Variants in ADAMTS16 observed in about 807,000 individuals in gnomAD.
ADAMTS16 encodes A disintegrin and metalloproteinase with thrombospondin motifs 16.
ADAMTS16 carries 94 observed loss-of-function variants against 145.8 expected under a neutral mutation model. The observed-to-expected ratio is 0.64, with a 90% CI of 0.55 to 0.77. ADAMTS16 has a LOEUF of 0.77. ADAMTS16 is among the 30% of genes least tolerant of loss of function. The pLI is 0.00. For synonymous variants in ADAMTS16, 659 were observed against 604.3 expected (o/e 1.09, Z -1.33); for missense variants, 1,585 against 1,591.5 (o/e 1.00, Z 0.07).
At chr5:5,250,740 C>CGCGCGT in intron 17 of ADAMTS16, among the ~76,000 whole-genome samples, 1 of 71,794 alleles carries the variant, frequency 1.4e-5, no homozygotes, top group Admixed American at 1.8e-4. Context: ...TGTGTGTGCG[C>CGCGCGT]GCACTCCTGG....
chr5:5,319,352 G>T lies in ADAMTS16; in HGVS notation c.*214G>T. 1 of 540,630 alleles carries T rather than the reference G, an allele frequency of 1.8e-6. No individual in the cohort carries two copies. The highest frequency in any genetic ancestry group is 3.3e-5 in the Admixed American group (1 of 30,374). The allele number at this position is 540,630 out of a possible 1,614,324, so 33.5% of individuals were successfully genotyped here. On this transcript the variant is annotated 3_prime_UTR_variant, in exon 23 of 23. Transcript: ENST00000274181. ...CCATGCACACAGTGTCTCCTGTCAG[G>T]CTGAAATGTGGCACCCTGGCAGACA...
At chr5:5,173,835 A>G (rs975606950) in intron 3 of ADAMTS16, among the ~76,000 whole-genome samples, 1 of 152,306 alleles carries the variant, frequency 6.6e-6, no homozygotes, top group African/African-American at 2.4e-5. Flanking sequence ...ACTAATAAAA[A>G]TTCTGTGCTT....
intron 18 of ADAMTS16, among the ~76,000 whole-genome samples, chr5:5,279,955 T>A (rs1738839675): frequency 7.0e-6 from 1 of 143,158 alleles, no homozygotes. Flanking sequence ...TTTCCTTCCT[T>A]CCTTCTTTCC....
chr5:5,232,211 T>C (rs892945903), intron 11 of ADAMTS16, among the ~76,000 whole-genome samples, 157 bp from the exon 12 acceptor site: 1 of 145,898 alleles, frequency 6.9e-6, no homozygotes, highest in East Asian at 2.0e-4. Context: ...ACATTGAATG[T>C]ACTGTATTTA....
chr5:5,283,928 A>AT (rs1386695290), intron 18 of ADAMTS16, among the ~76,000 whole-genome samples: 10 of 152,058 alleles, frequency 6.6e-5, no homozygotes, highest in Admixed American at 5.2e-4. Context: ...TTTCTTTATA[A>AT]TTTTTTATAC....
At chr5:5,314,893 T>C (rs1203594567) in intron 21 of ADAMTS16, among the ~76,000 whole-genome samples, 1 of 152,180 alleles carries the variant, frequency 6.6e-6, no homozygotes, top group Non-Finnish European at 1.5e-5. Flanking sequence ...GTTTTGCAAC[T>C]GTCCTAAGGC....
intron 2 of ADAMTS16, among the ~76,000 whole-genome samples, chr5:5,141,489 A>C (rs1326532272): frequency 6.6e-6 from 1 of 152,270 alleles, no homozygotes; most frequent in African/African-American, 2.4e-5. Flanking sequence ...CAGGTAAATG[A>C]GAACGCAGGT....
intron 9 of ADAMTS16, among the ~76,000 whole-genome samples, chr5:5,202,761 T>C (rs2126594789): frequency 6.6e-6 from 1 of 152,318 alleles, no homozygotes; most frequent in Admixed American, 6.5e-5. Flanking sequence ...TGAAATATCC[T>C]CTGACAACTG....
chr5:5,202,106 C>T (rs1412644897), intron 9 of ADAMTS16, among the ~76,000 whole-genome samples: 1 of 152,102 alleles, frequency 6.6e-6, no homozygotes, highest in Non-Finnish European at 1.5e-5. Flanking sequence ...GGCTGGATTG[C>T]CCCTATGGCT....
chr5:5,274,743 T>TAC (rs572910573), intron 18 of ADAMTS16, among the ~76,000 whole-genome samples: 17 of 151,746 alleles, frequency 1.1e-4, no homozygotes, highest in Admixed American at 5.9e-4. Flanking sequence ...CACAGATATA[T>TAC]ATATATACAC....
chr5:5,146,421 A>G lies in ADAMTS16; in HGVS notation c.467A>G (p.Asn156Ser), dbSNP rs1223139081. ...FYQGSLRSHR[N>S]SSVALSTCQG... is the part of the protein sequence containing the mutation. ...CAAGGCTCTTTGCGATCACACAGAA[A>G]CTCCTCAGTGGCCCTTTCAACCTGC... Residue 156 changes from asparagine (N) to serine (S), a missense_variant, in exon 3 of 23, where the codon AAC (asparagine) becomes AGC (serine). This residue lies in a region of ADAMTS16 where 453 missense variants were observed against 412.1 expected (regional missense o/e 1.10). Coordinates refer to ENST00000274181, the MANE Select transcript of ADAMTS16 (RefSeq NM_139056.4). 6.8e-6 allele frequency: 11 copies of G among 1,611,970 alleles called. No homozygotes were observed. The highest frequency in any genetic ancestry group is 8.5e-6 in the Non-Finnish European group (10 of 1,179,866).
intron 17 of ADAMTS16, among the ~76,000 whole-genome samples, chr5:5,255,145 T>C (rs1322565212): frequency 2.0e-5 from 3 of 152,278 alleles, no homozygotes; most frequent in African/African-American, 7.2e-5. Flanking sequence ...GAAAAGAGTA[T>C]CCCATTAGAT....
intron 18 of ADAMTS16, among the ~76,000 whole-genome samples, chr5:5,280,475 T>C (rs1236005576): frequency 6.6e-6 from 1 of 152,166 alleles, no homozygotes; most frequent in Non-Finnish European, 1.5e-5. Context: ...ATTCCAGGGG[T>C]GCATCAACAT....
chr5:5,239,317 T>C, intron 15 of ADAMTS16, 43 bp downstream of exon 15: 3 of 1,507,464 alleles, frequency 2.0e-6, no homozygotes, highest in Non-Finnish European at 2.7e-6. Context: ...GCAAAGAAGA[T>C]TGTAACTGGG....
chr5:5,251,054 T>A (rs1478771890), intron 17 of ADAMTS16, among the ~76,000 whole-genome samples: 1 of 152,154 alleles, frequency 6.6e-6, no homozygotes, highest in Non-Finnish European at 1.5e-5. Flanking sequence ...GCCCGGGGCG[T>A]CAGCAAGACA....
intron 3 of ADAMTS16, among the ~76,000 whole-genome samples, chr5:5,156,469 T>G (rs1009738902): frequency 1.3e-5 from 2 of 152,156 alleles, no homozygotes; most frequent in African/African-American, 2.4e-5. Flanking sequence ...AAAACTGAAG[T>G]AGGAATATTC....
intron 17 of ADAMTS16, among the ~76,000 whole-genome samples, chr5:5,255,030 T>C (rs778047622): frequency 1.3e-4 from 20 of 152,184 alleles, no homozygotes; most frequent in Non-Finnish European, 2.5e-4. Context: ...TTATTATGTA[T>C]GGTAATTGGA....
At chr5:5,223,015 T>A (rs1736649825) in intron 11 of ADAMTS16, 131 bp downstream of exon 11, 3 of 659,908 alleles carry the variant, frequency 4.5e-6, no homozygotes, top group Non-Finnish European at 7.7e-6. Context: ...CATGCTCCTA[T>A]CAAACACTGT....
chr5:5,147,220 C>G (rs985977186), intron 3 of ADAMTS16, among the ~76,000 whole-genome samples: 1 of 152,128 alleles, frequency 6.6e-6, no homozygotes, highest in Admixed American at 6.5e-5. Context: ...TTCTTGGCAG[C>G]AAATGAATTG....
Sources: gnomAD v4.1 joint callset for allele counts (sites outside exome capture counted in the v4.1 genomes callset) on GRCh38, gnomAD v4.1.1 for gene constraint, gnomAD v4.1.1 regional missense constraint, MANE v1.5 for transcripts, NCBI Gene and HGNC (gene_info 2026-07-23, HGNC 2026-07-21) for gene names.